The following OR1J2 variants were observed in gnomAD, a reference collection of about 807,000 sequenced individuals.
The protein encoded by OR1J2 is olfactory receptor 1J2.
For missense variants in OR1J2, 304 were observed against 246.1 expected, an observed-to-expected ratio of 1.24 and a Z score of -1.57; for synonymous variants, 142 against 99.7, an observed-to-expected ratio of 1.42 and a Z score of -2.52.
the OR1J2 span, among the ~76,000 whole-genome samples, chr9:122,558,493 T>C: frequency 1.3e-5 from 2 of 151,732 alleles, no homozygotes; most frequent in Non-Finnish European, 3.0e-5. Context: ...CTTTGAGTGC[T>C]GAACCTGTCT....
chr9:122,494,517 G>A, the OR1J2 span, among the ~76,000 whole-genome samples: 9 of 151,796 alleles, frequency 5.9e-5, no homozygotes, highest in Non-Finnish European at 8.8e-5. Context: ...CTTGTTTTTG[G>A]TGTCCATTTG....
chr9:122,542,471 T>C, the OR1J2 span, among the ~76,000 whole-genome samples: 67,538 of 151,926 alleles, frequency 0.44, 16,207 homozygotes, highest in East Asian at 0.87. Flanking sequence ...CCAGTTGCCC[T>C]GTATTTTCAA....
chr9:122,530,055 G>A, the OR1J2 span, among the ~76,000 whole-genome samples: 16 of 152,322 alleles, frequency 1.1e-4, no homozygotes, highest in Middle Eastern at 3.4e-3. Context: ...CAGAAGTCAG[G>A]TTGATAAACC....
At chr9:122,535,579 G>C in the OR1J2 span, among the ~76,000 whole-genome samples, 4 of 152,292 alleles carry the variant, frequency 2.6e-5, no homozygotes, top group Non-Finnish European at 5.9e-5. Context: ...GGTTGGAGAA[G>C]AGAGTAAAAA....
the OR1J2 span, among the ~76,000 whole-genome samples, chr9:122,487,399 A>C: frequency 6.6e-6 from 1 of 152,090 alleles, no homozygotes; most frequent in South Asian, 2.1e-4. Context: ...GTAATACAAA[A>C]ATTATATAAA....
the OR1J2 span, among the ~76,000 whole-genome samples, chr9:122,503,036 A>AT: frequency 5.7e-4 from 86 of 152,170 alleles, no homozygotes; most frequent in African/African-American, 1.9e-3. Flanking sequence ...GCCTTAGTTG[A>AT]TGTTTTAAGA....
chr9:122,548,589 T>TTATATATATATATATATATATA, the OR1J2 span, among the ~76,000 whole-genome samples: 178 of 151,248 alleles, frequency 1.2e-3, no homozygotes, highest in Non-Finnish European at 1.2e-3. Context: ...TTTAAAATTT[T>TTATATATATATATATATATATA]TATATATATA....
At chr9:122,509,856 G>A, upstream of OR1J2, among the ~76,000 whole-genome samples, 1 of 152,104 alleles carries the variant, frequency 6.6e-6, no homozygotes, top group East Asian at 1.9e-4. Flanking sequence ...CTGAAGTAGA[G>A]AAAATGAATT....
chr9:122,463,058 A>G, the OR1J2 span, among the ~76,000 whole-genome samples: 65 of 152,076 alleles, frequency 4.3e-4, no homozygotes, highest in African/African-American at 1.4e-3. Flanking sequence ...GGGAACACCA[A>G]TTATTCTTAG....
chr9:122,490,107 A>G, the OR1J2 span, among the ~76,000 whole-genome samples: 1 of 152,174 alleles, frequency 6.6e-6, no homozygotes, highest in Non-Finnish European at 1.5e-5. Flanking sequence ...AGCTTTTTCT[A>G]CATGTAAGCT....
chr9:122,496,556 C>T, the OR1J2 span, among the ~76,000 whole-genome samples: 3 of 152,116 alleles, frequency 2.0e-5, no homozygotes, highest in African/African-American at 7.2e-5. Context: ...AGGTTGAGGA[C>T]ATGTGCCTGA....
upstream of OR1J2, among the ~76,000 whole-genome samples, chr9:122,506,796 C>T (rs1297287343): frequency 6.6e-6 from 1 of 151,904 alleles, no homozygotes; most frequent in Non-Finnish European, 1.5e-5. Context: ...CAGACATAGA[C>T]AGGATGAGAG....
At chr9:122,520,490 G>A in the OR1J2 span, among the ~76,000 whole-genome samples, 2 of 152,146 alleles carry the variant, frequency 1.3e-5, no homozygotes, top group African/African-American at 4.8e-5. Context: ...TGTTGCTGAT[G>A]GTGGTGGGTA....
chr9:122,567,459 C>G, the OR1J2 span: 1 of 987,828 alleles, frequency 1.0e-6, no homozygotes, highest in Admixed American at 2.3e-5. Context: ...GTGCTAGCTT[C>G]CAACAGCTTT....
At chr9:122,488,576 A>G in the OR1J2 span, among the ~76,000 whole-genome samples, 1 of 152,210 alleles carries the variant, frequency 6.6e-6, no homozygotes, top group Non-Finnish European at 1.5e-5. Context: ...TGCAGGATTT[A>G]TTTTTGGTTA....
At chr9:122,455,321 A>T in the OR1J2 span, among the ~76,000 whole-genome samples, 1 of 152,212 alleles carries the variant, frequency 6.6e-6, no homozygotes, top group Non-Finnish European at 1.5e-5. Flanking sequence ...ACCATTTTAC[A>T]TTCCCAATAA....
At chr9:122,466,095 T>G in the OR1J2 span, among the ~76,000 whole-genome samples, 1 of 152,192 alleles carries the variant, frequency 6.6e-6, no homozygotes, top group African/African-American at 2.4e-5. Flanking sequence ...TTGGTTCATA[T>G]ACTTTTTGTG....
chr9:122,543,470 T>C, the OR1J2 span, among the ~76,000 whole-genome samples: 2 of 152,206 alleles, frequency 1.3e-5, no homozygotes, highest in Admixed American at 6.5e-5. Flanking sequence ...CCCAAAGTGC[T>C]GAGATTAGAG....
At chr9:122,495,446 T>G in the OR1J2 span, among the ~76,000 whole-genome samples, 3 of 152,120 alleles carry the variant, frequency 2.0e-5, no homozygotes, top group African/African-American at 4.8e-5. Context: ...CTTTGAGCCC[T>G]GAAGTTCTTT....
Sources: allele counts gnomAD v4.1 joint callset (sites outside exome capture counted in the v4.1 genomes callset), GRCh38; gene constraint gnomAD v4.1.1; transcripts MANE v1.5; gene names NCBI Gene and HGNC (gene_info 2026-07-23, HGNC 2026-07-21).